SLC35F4: variants seen among roughly 807,000 people sequenced by gnomAD.
SLC35F4 encodes solute carrier family 35 member F4.
A neutral mutation model predicts 44.2 loss-of-function variants in SLC35F4; 24 were observed. The observed-to-expected ratio is 0.54, with a 90% confidence interval of 0.39 to 0.76. SLC35F4 has a LOEUF of 0.76. Among genes scored for constraint, SLC35F4 ranks in the 30% least tolerant of loss-of-function variants. The probability of loss-of-function intolerance (pLI) is 0.00; values close to 1 mark genes in which losing one functional copy is unlikely to be tolerated. For missense variants in SLC35F4, 562 were observed against 586.1 expected (o/e 0.96, Z 0.42); for synonymous variants, 238 against 223.6 (o/e 1.06, Z -0.57).
At chr14:57,564,637 C>T (rs2068114650) in intron 7 of SLC35F4, among the ~76,000 whole-genome samples, 1 of 152,176 alleles carries the variant, frequency 6.6e-6, no homozygotes, top group African/African-American at 2.4e-5. Flanking sequence ...TTCCTCTTTA[C>T]CCCTTTAACC....
At chr14:57,655,190 A>T (rs749625686) in intron 1 of SLC35F4, among the ~76,000 whole-genome samples, 1 of 152,080 alleles carries the variant, frequency 6.6e-6, no homozygotes, top group Non-Finnish European at 1.5e-5. Context: ...CACCCTACTC[A>T]GTCCTTCCTT....
At position 57,675,441 on chromosome 14, in the gene SLC35F4, T is replaced by C. The variant is rs372639979; in HGVS notation, c.104-81317A>G. On this transcript the variant is annotated intron_variant, in intron 1 of 7. Transcript: ENST00000556826. ...GAGTCCTTAGGGTTTTCCAGGTATATGATAATATCACTGGCAAACGGCAAC... is the reference window on the plus strand; with the variant it reads ...GAGTCCTTAGGGTTTTCCAGGTATACGATAATATCACTGGCAAACGGCAAC... Among the ~76,000 whole-genome samples, 22 of 152,172 alleles carry C rather than the reference T, an allele frequency of 1.4e-4. No homozygotes were observed. The East Asian group carries it at 4.3e-3, about 29-fold the overall frequency.
chr14:57,566,102 C>T (rs1381573723), intron 7 of SLC35F4, among the ~76,000 whole-genome samples: 1 of 152,196 alleles, frequency 6.6e-6, no homozygotes, highest in East Asian at 1.9e-4. Context: ...AAGCCAACCT[C>T]ATGTACATCC....
intron 1 of SLC35F4, among the ~76,000 whole-genome samples, chr14:57,859,286 A>G (rs1192802496): frequency 6.6e-6 from 1 of 152,252 alleles, no homozygotes; most frequent in Non-Finnish European, 1.5e-5. Context: ...TACAAACAAT[A>G]TAGACCAACG....
At chr14:57,604,274 A>T (rs2140000736) in intron 1 of SLC35F4, 1 of 152,318 alleles carries the variant, frequency 6.6e-6, no homozygotes, top group Non-Finnish European at 1.5e-5. Context: ...ATTCAGTTTA[A>T]CCCGAGAAAA....
In SLC35F4 at chr14:57,950,827, C is replaced by T. The variant is rs1270210834; in HGVS notation, n.282+31086G>A. The stretch of plus-strand genomic sequence containing the variant: ...GGGACTACAGGTGCCTGCCACCACG[C>T]CAGGCTAATTTGTAGTTTTAGTAGA... On this transcript the variant is annotated intron_variant and non_coding_transcript_variant, in intron 1 of 1. Transcript: ENST00000556568. Among the ~76,000 whole-genome samples, 9 of 152,146 alleles carry T rather than the reference C, an allele frequency of 5.9e-5. No individual in the cohort carries two copies. In the East Asian group the frequency reaches 1.7e-3, roughly 30 times the overall value.
intron 1 of SLC35F4, among the ~76,000 whole-genome samples, chr14:57,977,804 C>T (rs538628042): frequency 6.6e-6 from 1 of 152,252 alleles, no homozygotes; most frequent in African/African-American, 2.4e-5. Flanking sequence ...CTGCTCTAAA[C>T]CCCCAGGCAG....
At chr14:57,676,914 C>G (rs1001039545) in intron 1 of SLC35F4, among the ~76,000 whole-genome samples, 2 of 151,992 alleles carry the variant, frequency 1.3e-5, no homozygotes, top group Non-Finnish European at 2.9e-5. Flanking sequence ...ACTACTGGGA[C>G]CTACCCAGAG....
intron 1 of SLC35F4, among the ~76,000 whole-genome samples, chr14:57,723,626 G>T (rs1177072511): frequency 2.0e-5 from 3 of 152,226 alleles, no homozygotes; most frequent in African/African-American, 7.2e-5. Flanking sequence ...CATTGACATG[G>T]CAAATGCCTT....
At chr14:57,975,349 T>TG (rs759431878), downstream of SLC35F4, among the ~76,000 whole-genome samples, 12 of 152,246 alleles carry the variant, frequency 7.9e-5, no homozygotes, top group Non-Finnish European at 1.6e-4. Flanking sequence ...AGTAAACTAC[T>TG]GGGGTTCCAT....
chr14:57,784,380 T>C (rs1261018237), intron 1 of SLC35F4, among the ~76,000 whole-genome samples: 1 of 152,234 alleles, frequency 6.6e-6, no homozygotes, highest in African/African-American at 2.4e-5. Context: ...GAAGGATTAG[T>C]ACCATATAGA....
chr14:57,900,803 T>C (rs778830169), intron 1 of SLC35F4, among the ~76,000 whole-genome samples: 1 of 151,990 alleles, frequency 6.6e-6, no homozygotes, highest in Non-Finnish European at 1.5e-5. Context: ...ATCCAGAATC[T>C]ACAAGGAACT....
chr14:57,740,338 A>G (rs1183908341), intron 1 of SLC35F4, among the ~76,000 whole-genome samples: 1 of 152,200 alleles, frequency 6.6e-6, no homozygotes, highest in African/African-American at 2.4e-5. Context: ...TTTATTTCAG[A>G]CTGTGGGTAA....
intron 1 of SLC35F4, among the ~76,000 whole-genome samples, chr14:57,962,683 C>A (rs12889782): frequency 6.6e-6 from 1 of 152,170 alleles, no homozygotes; most frequent in African/African-American, 2.4e-5. Context: ...CTTGGCCGTG[C>A]TTCTTTGCAT....
intron 1 of SLC35F4, among the ~76,000 whole-genome samples, chr14:57,813,916 G>C (rs889358222): frequency 1.3e-5 from 2 of 152,186 alleles, no homozygotes; most frequent in African/African-American, 4.8e-5. Flanking sequence ...TTGTATCACT[G>C]TCCAATAAAT....
At chr14:57,567,601 G>A (rs1053200525) in intron 6 of SLC35F4, among the ~76,000 whole-genome samples, 1 of 152,222 alleles carries the variant, frequency 6.6e-6, no homozygotes, top group Non-Finnish European at 1.5e-5. Context: ...ATAGTGGCAA[G>A]CAAGGCAGAG....
intron 2 of SLC35F4, among the ~76,000 whole-genome samples, chr14:57,590,053 A>AAAT (rs2070060846): frequency 6.6e-6 from 1 of 151,970 alleles, no homozygotes; most frequent in African/African-American, 2.4e-5. Flanking sequence ...AGCGAGTGAG[A>AAAT]AATAAATATT....
intron 1 of SLC35F4, among the ~76,000 whole-genome samples, chr14:57,808,770 C>A (rs1347822664): frequency 6.6e-6 from 1 of 152,200 alleles, no homozygotes; most frequent in African/African-American, 2.4e-5. Context: ...GGCACCCCTG[C>A]ACTCCAGCCT....
chr14:57,688,837 C>T (rs2075143251), intron 1 of SLC35F4, among the ~76,000 whole-genome samples: 1 of 152,104 alleles, frequency 6.6e-6, no homozygotes. Flanking sequence ...ACAAAGGGCT[C>T]CTCATTATTT....
Sources: gnomAD v4.1 joint callset for allele counts (sites outside exome capture counted in the v4.1 genomes callset) on GRCh38, gnomAD v4.1.1 for gene constraint, MANE v1.5 for transcripts, NCBI Gene and HGNC (gene_info 2026-07-23, HGNC 2026-07-21) for gene names.